Variants in SORCS3 observed in about 807,000 individuals in gnomAD.
The protein encoded by SORCS3 is sortilin related VPS10 domain containing receptor 3.
Under a neutral mutation model 146.3 loss-of-function variants are expected in SORCS3, and 57 were observed. The ratio of observed to expected loss-of-function variants is 0.39; its 90% confidence interval spans 0.31 to 0.49. The LOEUF is 0.49. SORCS3 is among the 20% of genes least tolerant of loss of function. The probability of loss-of-function intolerance (pLI) is 0.92; values close to 1 mark genes in which losing one functional copy is unlikely to be tolerated. For synonymous variants in SORCS3, 653 were observed against 618.5 expected, an observed-to-expected ratio of 1.06 and a Z score of -0.83; for missense variants, 1,341 against 1,575.5, an observed-to-expected ratio of 0.85 and a Z score of 2.52.
At chr10:104,993,957 AG>A (rs139498651) in intron 4 of SORCS3, among the ~76,000 whole-genome samples, 6,092 of 152,280 alleles carry the variant, frequency 0.04, 384 homozygotes, top group African/African-American at 0.13. Flanking sequence ...TAAATCTCAA[AG>A]AAATTTTCTC....
chr10:104,936,193 T>C (rs545006851), intron 3 of SORCS3, among the ~76,000 whole-genome samples: 1 of 152,296 alleles, frequency 6.6e-6, no homozygotes, highest in Non-Finnish European at 1.5e-5. Flanking sequence ...AGATTATGTG[T>C]ATTGATATGG....
intron 2 of SORCS3, 48 bp downstream of exon 2, chr10:104,842,907 T>G: frequency 6.9e-7 from 1 of 1,449,398 alleles, no homozygotes; most frequent in Non-Finnish European, 9.7e-7. Flanking sequence ...TTGGCTCACA[T>G]GAGAAACGCA....
chr10:105,005,535 G>C (rs185731361), intron 4 of SORCS3, among the ~76,000 whole-genome samples: 39 of 152,176 alleles, frequency 2.6e-4, no homozygotes, highest in East Asian at 1.2e-3. Context: ...GTTCAGTAGT[G>C]GGGGGAGGAG....
At chr10:104,684,626 G>A (rs138203679) in intron 1 of SORCS3, among the ~76,000 whole-genome samples, 8 of 152,048 alleles carry the variant, frequency 5.3e-5, no homozygotes, top group Non-Finnish European at 1.2e-4. Context: ...TGGGATCTGT[G>A]GGCAGTTTTT....
chr10:104,754,537 C>A (rs2017025321), intron 1 of SORCS3, among the ~76,000 whole-genome samples: 1 of 152,124 alleles, frequency 6.6e-6, no homozygotes, highest in South Asian at 2.1e-4. Context: ...CTTTACCCCC[C>A]TGGCGTTTTT....
intron 5 of SORCS3, among the ~76,000 whole-genome samples, chr10:105,045,928 C>CA (rs1370648056): frequency 6.6e-6 from 1 of 152,052 alleles, no homozygotes; most frequent in Non-Finnish European, 1.5e-5. Flanking sequence ...GGCTGGTGCC[C>CA]ATGGGCATGT....
intron 20 of SORCS3, among the ~76,000 whole-genome samples, chr10:105,243,304 A>G (rs1368804487): frequency 6.6e-6 from 1 of 152,068 alleles, no homozygotes; most frequent in Non-Finnish European, 1.5e-5. Context: ...ATAAAGAAGT[A>G]AAGGCCAGAA....
chr10:104,995,564 A>G (rs1359233198), intron 4 of SORCS3, among the ~76,000 whole-genome samples: 1 of 152,000 alleles, frequency 6.6e-6, no homozygotes, highest in Non-Finnish European at 1.5e-5. Context: ...CTTATTTTCT[A>G]TCTATATGTT....
intron 23 of SORCS3, among the ~76,000 whole-genome samples, chr10:105,255,115 G>T (rs185790626): frequency 2.6e-5 from 4 of 151,448 alleles, no homozygotes; most frequent in African/African-American, 4.9e-5. Context: ...GTGAACCCGG[G>T]GGGGCGGAGC....
At chr10:105,140,182 G>A (rs931822414) in intron 8 of SORCS3, among the ~76,000 whole-genome samples, 14 of 152,268 alleles carry the variant, frequency 9.2e-5, no homozygotes, top group African/African-American at 2.9e-4. Context: ...CATATCAGGT[G>A]TAATGTTGCA....
intron 16 of SORCS3, among the ~76,000 whole-genome samples, chr10:105,205,494 C>T (rs577648538): frequency 3.3e-5 from 5 of 152,186 alleles, no homozygotes; most frequent in Non-Finnish European, 5.9e-5. Context: ...TCCATCATGG[C>T]GCTGGAGAAG....
At chr10:104,860,915 G>A (rs2018394374) in intron 2 of SORCS3, among the ~76,000 whole-genome samples, 2 of 152,134 alleles carry the variant, frequency 1.3e-5, no homozygotes, top group African/African-American at 4.8e-5. Flanking sequence ...GGTTGTCACT[G>A]GGGTTCCCAA....
intron 4 of SORCS3, among the ~76,000 whole-genome samples, chr10:105,029,788 G>C (rs998248254): frequency 1.3e-5 from 2 of 152,186 alleles, no homozygotes; most frequent in African/African-American, 4.8e-5. Flanking sequence ...GTAGAGGTTA[G>C]CTGAAGACAG....
intron 7 of SORCS3, among the ~76,000 whole-genome samples, chr10:105,122,263 C>T (rs183127626): frequency 6.6e-6 from 1 of 152,318 alleles, no homozygotes; most frequent in East Asian, 1.9e-4. Context: ...ATTTTAATCA[C>T]TCTGCCTATA....
rs537999362 is a variant in SORCS3, at chr10:104,765,919, T to A, written c.628-76873T>A. 2.6e-5 allele frequency among the ~76,000 whole-genome samples: 4 copies of A among 152,338 alleles called. No individual in the cohort carries two copies. In the East Asian group the frequency reaches 7.7e-4, roughly 29 times the overall value. ...GAGTCTGGCTCCAGGGTCTGTGTTTTTAGCTGCCTTACTATGTTCCCACAT... is the reference window on the plus strand; with the variant it reads ...GAGTCTGGCTCCAGGGTCTGTGTTTATAGCTGCCTTACTATGTTCCCACAT... On this transcript the variant is annotated intron_variant, in intron 1 of 26. Coordinates refer to ENST00000369701, the MANE Select transcript of SORCS3 (RefSeq NM_014978.3).
chr10:105,229,580 C>T (rs1033232677), intron 20 of SORCS3, among the ~76,000 whole-genome samples: 6 of 152,108 alleles, frequency 3.9e-5, no homozygotes, highest in Admixed American at 1.3e-4. Context: ...ATTCTGGGTG[C>T]ATGCATTAGT....
At chr10:104,669,976 GAT>G (rs1258698717) in intron 1 of SORCS3, among the ~76,000 whole-genome samples, 1 of 151,918 alleles carries the variant, frequency 6.6e-6, no homozygotes, top group Non-Finnish European at 1.5e-5. Flanking sequence ...AATGATTAGT[GAT>G]ATTGAACATC....
intron 13 of SORCS3, 99 bp downstream of exon 13, chr10:105,167,448 C>A (rs2056323457): frequency 1.2e-6 from 1 of 800,876 alleles, no homozygotes; most frequent in South Asian, 1.7e-5. Flanking sequence ...CCCATTTGTA[C>A]ATTTCCTCAT....
chr10:105,182,982 C>T (rs569452803), intron 14 of SORCS3, among the ~76,000 whole-genome samples: 38 of 152,284 alleles, frequency 2.5e-4, no homozygotes, highest in African/African-American at 8.9e-4. Flanking sequence ...CAATTACAGA[C>T]ACATGTGCCA....
Sources: gnomAD v4.1 joint callset for allele counts (sites outside exome capture counted in the v4.1 genomes callset) on GRCh38, gnomAD v4.1.1 for gene constraint, MANE v1.5 for transcripts, NCBI Gene and HGNC (gene_info 2026-07-23, HGNC 2026-07-21) for gene names.